The following CENPT variants were observed in gnomAD, a reference collection of about 807,000 sequenced individuals.
CENPT encodes the protein centromere protein T, also known as interphase centromere complex protein 22.
A neutral mutation model predicts 59.7 loss-of-function variants in CENPT; 42 were observed. That is an observed-to-expected ratio of 0.70 (90% CI 0.55 to 0.91). The LOEUF (loss-of-function observed/expected upper bound fraction) is 0.91, where lower values mean the gene tolerates loss of function less well. Ranked by LOEUF, CENPT falls within the 40% of genes least tolerant of loss-of-function variation. The pLI is 0.00. For synonymous variants in CENPT, 295 were observed against 289.6 expected, an observed-to-expected ratio of 1.02 and a Z score of -0.19; for missense variants, 716 against 713.4, an observed-to-expected ratio of 1.00 and a Z score of -0.04.
Position 67,832,096 on chromosome 16 carries a change from G to T in CENPT, c.302C>A (p.Ser101Tyr). ...CACTACCGACTCAGGCATCAGGATG[G>T]AAGATTCTGGGGCTGCAGAAACACC... The part of the protein sequence containing the change: ...KNILLTAPES[S>Y]ILMPESVVKP... Residue 101 changes from serine (S) to tyrosine (Y), a missense_variant, in exon 7 of 16, where the codon TCC becomes TAC. Coordinates refer to ENST00000562787, the MANE Select transcript of CENPT (RefSeq NM_025082.4). The T allele has an allele frequency of 6.2e-7, 1 of 1,612,094 alleles. No homozygotes were observed. The highest frequency in any genetic ancestry group is 8.5e-7 in the Non-Finnish European group (1 of 1,178,532).
At position 67,840,558 on chromosome 16, in the gene CENPT, G is replaced by T. The variant is rs559932737; in HGVS notation, c.-491-4900C>A. ...AATGATGAGAACTCATGAACACAAA[G>T]AAGACAACAACAGACACTGGGGTCT... On this transcript the variant is annotated intron_variant, in intron 1 of 15. Coordinates refer to ENST00000562787, the MANE Select transcript of CENPT (RefSeq NM_025082.4). Among the ~76,000 whole-genome samples, 3 of 147,470 alleles carry T rather than the reference G, an allele frequency of 2.0e-5. No individual in the cohort carries two copies. In the East Asian group the frequency reaches 6.1e-4, roughly 30 times the overall value.
rs1481171327 is a variant in CENPT at position 67,829,917 on chromosome 16, C to T, written c.1034G>A (p.Ser345Asn). Residue 345 changes from serine to asparagine, a missense_variant, in exon 12 of 16, where the codon AGT becomes AAT. By Grantham distance (46) the Ser-to-Asn change is conservative. Coordinates refer to ENST00000562787, the MANE Select transcript of CENPT (RefSeq NM_025082.4). ...TTGTGCTCCTGTTGCCTCCATTTCA[C>T]TCACACTCACACCTTCTTCTTCCAT... ...KKMEEEGVSVSEMEATGAQGP... is the reference protein window; with the variant it reads ...KKMEEEGVSVNEMEATGAQGP... The T allele has an allele frequency of 1.2e-6, 2 of 1,614,142 alleles. No homozygotes were observed. Among genetic ancestry groups the T allele is most frequent in the Non-Finnish European group, 1.7e-6 (2 of 1,180,044 alleles).
intron 3 of CENPT, among the ~76,000 whole-genome samples, chr16:67,834,501 C>T (rs1172153976): frequency 1.3e-5 from 2 of 152,060 alleles, no homozygotes; most frequent in Non-Finnish European, 2.9e-5. Flanking sequence ...CGCCTGTAGT[C>T]CCAGATAATG....
At position 67,846,550 on chromosome 16, in the gene CENPT, G is replaced by C. The variant is rs550320933; in HGVS notation, c.-492+851C>G. Among the ~76,000 whole-genome samples, 44 of 152,382 alleles carry C rather than the reference G, an allele frequency of 2.9e-4. No homozygotes were observed. In the South Asian group the frequency reaches 8.7e-3, roughly 30 times the overall value. Reference sequence around the variant, plus strand: ...AGCGGAAACGGCCCAGGGGCCCAGGGAGGGGCAGCTGGGCCAGCTTGGGGC... The same window carrying C: ...AGCGGAAACGGCCCAGGGGCCCAGGCAGGGGCAGCTGGGCCAGCTTGGGGC... On this transcript the variant is annotated intron_variant, in intron 1 of 15. Coordinates refer to ENST00000562787, the MANE Select transcript of CENPT (RefSeq NM_025082.4).
intron 10 of CENPT, chr16:67,830,762 T>G: frequency 7.0e-6 from 4 of 567,618 alleles, no homozygotes; most frequent in East Asian, 3.0e-5. Context: ...TACCTTCCTG[T>G]TCCTCTGCCT....
At chr16:67,837,640 G>A (rs192161630) in intron 1 of CENPT, among the ~76,000 whole-genome samples, 1 of 152,286 alleles carries the variant, frequency 6.6e-6, no homozygotes, top group Admixed American at 6.5e-5. Context: ...CTTGGAGGGT[G>A]AAGGTTGCAG....
At chr16:67,846,456 C>A (rs2057799029) in intron 1 of CENPT, among the ~76,000 whole-genome samples, 2 of 152,256 alleles carry the variant, frequency 1.3e-5, no homozygotes, top group South Asian at 2.1e-4. Flanking sequence ...TCCGCCCGGG[C>A]TGGTTAAGGC....
At position 67,829,951 on chromosome 16, in the gene CENPT, C is replaced by T. The variant is rs1400592088; in HGVS notation, c.1000G>A (p.Glu334Lys). ...EPLHDGVEEA[E>K]KKMEEEGVSV... Reference sequence around the variant, plus strand: ...ACACCTTCTTCTTCCATCTTTTTCTCTGCCTCTTCAACTCCATCGTGTAAG... The same window carrying T: ...ACACCTTCTTCTTCCATCTTTTTCTTTGCCTCTTCAACTCCATCGTGTAAG... Residue 334 changes from glutamate (E) to lysine (K), a missense_variant, in exon 12 of 16, where the codon GAG becomes AAG. By Grantham distance (56) the Glu-to-Lys change is moderately conservative. Transcript: ENST00000562787. 1 of 1,614,256 alleles carries T rather than the reference C, an allele frequency of 6.2e-7. No individual in the cohort carries two copies. The highest frequency in any genetic ancestry group is 8.5e-7 in the Non-Finnish European group (1 of 1,180,044).
At chr16:67,828,954 G>C (rs2057645413) in intron 13 of CENPT, 111 bp from the exon 14 acceptor site, 1 of 1,163,402 alleles carries the variant, frequency 8.6e-7, no homozygotes, top group African/African-American at 1.5e-5. Flanking sequence ...CCCTTGGCCA[G>C]CCAGGACCAG....
chr16:67,844,249 A>T (rs1259198691), intron 1 of CENPT: 3 of 163,052 alleles, frequency 1.8e-5, no homozygotes, highest in Non-Finnish European at 4.4e-5. Context: ...TCCTTGAAAC[A>T]TGGGGAAATA....
chr16:67,830,572 T>A, intron 10 of CENPT, 24 bp from the exon 11 acceptor site: 1 of 1,610,602 alleles, frequency 6.2e-7, no homozygotes. Flanking sequence ...AGTAACAGGT[T>A]CTGAGGCTGT....
rs192918585 is a variant in CENPT at position 67,829,336 on chromosome 16, G to A, written c.1280+87C>T. 1.2e-4 allele frequency: 125 copies of A among 1,074,706 alleles called. No homozygotes were observed. The East Asian group carries it at 2.9e-3, about 25-fold the overall frequency. 66.6% of individuals were successfully genotyped at this position (1,074,706 alleles called of 1,614,324 possible). On this transcript the variant is annotated intron_variant, in intron 13 of 15. Coordinates refer to ENST00000562787, the MANE Select transcript of CENPT (RefSeq NM_025082.4). ...CTGCTGGGTAATCATCTGCATACCC[G>A]TAGGAAGGGGGAGGACCCTATGTAC...
intron 11 of CENPT, 38 bp from the exon 12 acceptor site, chr16:67,830,126 C>G (rs1416118290): frequency 2.5e-6 from 4 of 1,589,380 alleles, no homozygotes; most frequent in Non-Finnish European, 3.4e-6. Context: ...GGAGACGCAG[C>G]AGGCCAAGGC....
At position 67,843,013 on chromosome 16, in the gene CENPT, C is replaced by T. The variant is rs775940118; in HGVS notation, c.-492+4388G>A. The stretch of plus-strand genomic sequence containing the variant: ...TGCAGCCGAACCTGGTATCTGCTTC[C>T]GCGGCCGTGCTTCTCACCCTTCAGG... On this transcript the variant is annotated intron_variant, in intron 1 of 15. Transcript: ENST00000562787. The surrounding 1 kb of genome is among the most constrained non-coding windows in gnomAD (Gnocchi z 5.7). 3.1e-6 allele frequency: 5 copies of T among 1,612,530 alleles called. No individual in the cohort carries two copies. In the African/African-American group the frequency reaches 5.3e-5, roughly 17 times the overall value.
At chr16:67,829,268 G>A (rs1160475954) in intron 13 of CENPT, 155 bp downstream of exon 13, 1 of 587,500 alleles carries the variant, frequency 1.7e-6, no homozygotes, top group Non-Finnish European at 2.9e-6. Flanking sequence ...CAGGATGGCA[G>A]GGGTGCTCTT....
In CENPT at chr16:67,832,103, C is replaced by A. The variant is rs767048036; in HGVS notation, c.295G>T (p.Glu99Ter). ...GACTCAGGCATCAGGATGGAAGATTCTGGGGCTGCAGAAACACCAAGGAGA... is the reference window on the plus strand; with the variant it reads ...GACTCAGGCATCAGGATGGAAGATTATGGGGCTGCAGAAACACCAAGGAGA... ...LLKNILLTAP[E>*]SSILMPESVV... The change falls in exon 7 of 16, where the codon GAA becomes TAA. Residue 99 changes from glutamate to a stop codon, truncating the protein, a stop_gained. Coordinates refer to ENST00000562787, the MANE Select transcript of CENPT (RefSeq NM_025082.4). LOFTEE classifies it high-confidence loss of function. 8.7e-6 allele frequency: 14 copies of A among 1,611,628 alleles called. No individual in the cohort carries two copies. The highest frequency in any genetic ancestry group is 3.4e-6 in the Non-Finnish European group (4 of 1,178,268).
At chr16:67,844,616 G>A (rs1382336367) in intron 1 of CENPT, among the ~76,000 whole-genome samples, 2 of 152,156 alleles carry the variant, frequency 1.3e-5, no homozygotes, top group Non-Finnish European at 2.9e-5. Flanking sequence ...TCTGTGAACC[G>A]GTAAGAGCGC....
rs2057772461 is a variant in CENPT, at chr16:67,842,884, G to GCAA, written c.-492+4516_-492+4517insTTG. On this transcript the variant is annotated intron_variant, in intron 1 of 15. Transcript: ENST00000562787. The surrounding 1 kb of genome is among the most constrained non-coding windows in gnomAD (Gnocchi z 4.9). The stretch of plus-strand genomic sequence containing the variant: ...GCAGGCAGCAGCAGCAACAGCAGCA[G>GCAA]CAGCAGCAACAGCAGCAACAGCAGC... 6 of 1,602,530 alleles carry GCAA rather than the reference G, an allele frequency of 3.7e-6. No individual in the cohort carries two copies. Among genetic ancestry groups the GCAA allele is most frequent in the East Asian group, 4.5e-5 (2 of 44,558 alleles).
intron 13 of CENPT, 91 bp from the exon 14 acceptor site, chr16:67,828,934 G>C (rs1359030468): frequency 2.1e-6 from 3 of 1,410,090 alleles, no homozygotes; most frequent in Non-Finnish European, 2.8e-6. Flanking sequence ...TGAGGCTGGG[G>C]ACCACGTGGC....
Sources: allele counts gnomAD v4.1 joint callset (sites outside exome capture counted in the v4.1 genomes callset), GRCh38; gene constraint gnomAD v4.1.1; non-coding constraint Gnocchi (gnomAD v3.1); transcripts MANE v1.5; gene names NCBI Gene and HGNC (gene_info 2026-07-23, HGNC 2026-07-21).